Variants in TMEM150C observed in about 807,000 individuals in gnomAD.
TMEM150C encodes transmembrane protein 150C, also known as tentonin 3.
Under a neutral mutation model 29.9 loss-of-function variants are expected in TMEM150C, and 10 were observed. The ratio of observed to expected loss-of-function variants is 0.33; its 90% CI spans 0.21 to 0.57. The LOEUF (loss-of-function observed/expected upper bound fraction) is 0.57. Among genes scored for constraint, TMEM150C ranks in the 20% least tolerant of loss-of-function variants. The pLI is 0.88. For synonymous variants in TMEM150C, 101 were observed against 112.5 expected (o/e 0.90, Z 0.64); for missense variants, 251 against 303.6 (o/e 0.83, Z 1.29).
At chr4:82,489,975 A>G (rs1723279817) in intron 7 of TMEM150C, 86 bp downstream of exon 7, 1 of 1,343,096 alleles carries the variant, frequency 7.4e-7, no homozygotes, top group East Asian at 2.3e-5. Context: ...CTGGCAGAAT[A>G]TCCTAACCCA....
chr4:82,509,237 G>T (rs911928304), intron 1 of TMEM150C, among the ~76,000 whole-genome samples: 1 of 152,042 alleles, frequency 6.6e-6, no homozygotes, highest in East Asian at 1.9e-4. Context: ...ACCTTCTACC[G>T]CTCGCTTTGT....
At chr4:82,501,581 C>A (rs143456402) in intron 5 of TMEM150C, among the ~76,000 whole-genome samples, 1 of 152,088 alleles carries the variant, frequency 6.6e-6, no homozygotes, top group African/African-American at 2.4e-5. Context: ...AGCTCCCCAG[C>A]GTACTTCTTT....
chr4:82,536,676 A>T (rs1402922600), intron 1 of TMEM150C, among the ~76,000 whole-genome samples: 1 of 152,132 alleles, frequency 6.6e-6, no homozygotes, highest in Non-Finnish European at 1.5e-5. Flanking sequence ...CAGGAGTTGG[A>T]GACCAGCCTG....
chr4:82,516,268 T>C (rs1306947413), intron 1 of TMEM150C, among the ~76,000 whole-genome samples: 1 of 152,134 alleles, frequency 6.6e-6, no homozygotes, highest in East Asian at 1.9e-4. Context: ...TCGAACCTCC[T>C]CCTCAAACAA....
intron 6 of TMEM150C, chr4:82,491,572 G>A: frequency 1.5e-6 from 1 of 656,012 alleles, no homozygotes; most frequent in Non-Finnish European, 2.7e-6. Flanking sequence ...TTGGCCTCCT[G>A]CTTCTTCATG....
chr4:82,546,742 G>T (rs768431941), intron 1 of TMEM150C, among the ~76,000 whole-genome samples: 1 of 151,972 alleles, frequency 6.6e-6, no homozygotes, highest in Non-Finnish European at 1.5e-5. Context: ...GCAGGAGAAT[G>T]GTGTGACCCG....
rs1723078688 is a variant in TMEM150C, at chr4:82,483,949, C to G, written c.*1562G>C. On this transcript the variant is annotated 3_prime_UTR_variant, in exon 8 of 8. Transcript: ENST00000449862. Reference sequence around the variant, plus strand: ...GGATTACAGGCATGCGCCACCACACCAGGCTAATTTTGTATTTTTTTTAGT... The same window carrying G: ...GGATTACAGGCATGCGCCACCACACGAGGCTAATTTTGTATTTTTTTTAGT... 1 of 151,986 alleles carries G rather than the reference C, an allele frequency of 6.6e-6. No homozygotes were observed. Among genetic ancestry groups the G allele is most frequent in the Non-Finnish European group, 1.5e-5 (1 of 68,012 alleles). The allele number at this position is 151,986 out of a possible 1,614,324, so 9.4% of individuals were successfully genotyped here. A position where few individuals can be genotyped will look rare whatever the true frequency, so the allele number is the denominator to read the frequency against.
intron 1 of TMEM150C, among the ~76,000 whole-genome samples, chr4:82,546,720 T>G (rs1725398227): frequency 6.6e-6 from 1 of 151,862 alleles, no homozygotes; most frequent in Non-Finnish European, 1.5e-5. Context: ...CCCAGCTACT[T>G]GGGAGGCTGA....
chr4:82,500,040 T>G (rs951012946), intron 5 of TMEM150C, among the ~76,000 whole-genome samples: 2 of 152,174 alleles, frequency 1.3e-5, no homozygotes, highest in African/African-American at 4.8e-5. Context: ...GGCAGAAAAT[T>G]ATATTCCTTT....
In TMEM150C at chr4:82,484,662, C is replaced by T. The variant is rs1338119545; in HGVS notation, c.*849G>A. Reference sequence around the variant, plus strand: ...GGTTGAACCCAAAGCAAGCTCAGCTCTTGCATTTGGTCTACATCTTTGTCC... The same window carrying T: ...GGTTGAACCCAAAGCAAGCTCAGCTTTTGCATTTGGTCTACATCTTTGTCC... On this transcript the variant is annotated 3_prime_UTR_variant, in exon 8 of 8. Transcript: ENST00000449862. 3 of 152,174 alleles carry T rather than the reference C, an allele frequency of 2.0e-5. No individual in the cohort carries two copies. The highest frequency in any genetic ancestry group is 4.4e-5 in the Non-Finnish European group (3 of 68,026). 9.4% of individuals were successfully genotyped at this position (152,174 alleles called of 1,614,324 possible). A position where few individuals can be genotyped will look rare whatever the true frequency, so the allele number is the denominator to read the frequency against.
intron 1 of TMEM150C, among the ~76,000 whole-genome samples, chr4:82,546,594 C>T (rs7692979): frequency 0.023 from 3,431 of 152,056 alleles, 115 homozygotes; most frequent in African/African-American, 0.077. Context: ...TTTGGGAGGC[C>T]GAGGCGGGCA....
chr4:82,562,035 C>G, upstream of TMEM150C: 14 of 1,154,704 alleles, frequency 1.2e-5, no homozygotes, highest in Non-Finnish European at 1.5e-5. Context: ...CCCGCCCGCC[C>G]GGCCCCCTCC....
At chr4:82,534,166 T>A (rs1236449231) in intron 1 of TMEM150C, among the ~76,000 whole-genome samples, 1 of 152,218 alleles carries the variant, frequency 6.6e-6, no homozygotes, top group Non-Finnish European at 1.5e-5. Context: ...TCTATTAGTG[T>A]TTATTTTGCA....
At chr4:82,534,178 C>A (rs75360632) in intron 1 of TMEM150C, among the ~76,000 whole-genome samples, 1 of 152,062 alleles carries the variant, frequency 6.6e-6, no homozygotes, top group Non-Finnish European at 1.5e-5. Flanking sequence ...TATTTTGCAA[C>A]GTTTATTTTG....
chr4:82,507,444 T>C (rs6855762), intron 1 of TMEM150C, among the ~76,000 whole-genome samples: 79,328 of 151,932 alleles, frequency 0.52, 22,765 homozygotes, highest in African/African-American at 0.76. Flanking sequence ...ATTTCCTGGC[T>C]CAAGGTACTG....
At chr4:82,552,306 A>C (rs1349275513) in intron 1 of TMEM150C, among the ~76,000 whole-genome samples, 5 of 152,368 alleles carry the variant, frequency 3.3e-5, no homozygotes, top group Non-Finnish European at 7.3e-5. Flanking sequence ...TTTTGAATAC[A>C]TAAGTAGAAA....
intron 1 of TMEM150C, among the ~76,000 whole-genome samples, chr4:82,557,734 C>CTTTTT (rs767919077): frequency 1.5e-5 from 2 of 131,374 alleles, no homozygotes; most frequent in Non-Finnish European, 3.2e-5. Flanking sequence ...TTTTCTTTTT[C>CTTTTT]TTTTTTTTTT....
intron 5 of TMEM150C, 133 bp downstream of exon 5, chr4:82,502,594 C>CTTCA: frequency 1.2e-6 from 1 of 844,640 alleles, no homozygotes; most frequent in Non-Finnish European, 1.8e-6. Context: ...AAAGAGCTGG[C>CTTCA]TTCAGCATAT....
intron 6 of TMEM150C, chr4:82,494,939 T>C: frequency 1.7e-6 from 1 of 582,008 alleles, no homozygotes; most frequent in South Asian, 1.6e-5. Flanking sequence ...CCTCCTTCAT[T>C]CTCTTGGCCG....
Sources: allele counts gnomAD v4.1 joint callset (sites outside exome capture counted in the v4.1 genomes callset), GRCh38; gene constraint gnomAD v4.1.1; transcripts MANE v1.5; gene names NCBI Gene and HGNC (gene_info 2026-07-23, HGNC 2026-07-21).